Variants in ZBTB20 observed in about 807,000 individuals in gnomAD.
ZBTB20 encodes the protein zinc finger and BTB domain-containing protein 20.
Under a neutral mutation model 56.9 loss-of-function variants are expected in ZBTB20, and 9 were observed. The ratio of observed to expected loss-of-function variants is 0.16; its 90% CI spans 0.10 to 0.28. The LOEUF (loss-of-function observed/expected upper bound fraction) is 0.28, where lower values mean the gene tolerates loss of function less well. Ranked by LOEUF, ZBTB20 falls within the 10% of genes least tolerant of loss-of-function variation. The probability of loss-of-function intolerance (pLI) is 1.00; values close to 1 mark genes in which losing one functional copy is unlikely to be tolerated. For synonymous variants in ZBTB20, 417 were observed against 420.7 expected (o/e 0.99, Z 0.11); for missense variants, 655 against 1,003.0 (o/e 0.65, Z 4.69).
chr3:114,731,793 G>A (rs9879373), intron 5 of ZBTB20, among the ~76,000 whole-genome samples: 2,159 of 111,338 alleles, frequency 0.019, 192 homozygotes, highest in African/African-American at 0.036. Context: ...ATCCGGCTGT[G>A]CCTAGATTAG....
At chr3:114,907,479 G>A (rs779662290) in intron 3 of ZBTB20, among the ~76,000 whole-genome samples, 16 of 151,690 alleles carry the variant, frequency 1.1e-4, no homozygotes, top group Non-Finnish European at 2.1e-4. Flanking sequence ...GAGATGCACC[G>A]CATAACAAAA....
At chr3:114,421,493 T>C (rs897343496) in intron 7 of ZBTB20, among the ~76,000 whole-genome samples, 1 of 152,124 alleles carries the variant, frequency 6.6e-6, no homozygotes, top group African/African-American at 2.4e-5. Context: ...TTTTGTAAAG[T>C]GGAGAGAGAT....
intron 6 of ZBTB20, among the ~76,000 whole-genome samples, chr3:114,575,308 A>T (rs1201430637): frequency 6.6e-6 from 1 of 152,210 alleles, no homozygotes; most frequent in Non-Finnish European, 1.5e-5. Context: ...AATAATATGT[A>T]CTTCTTATAA....
chr3:114,596,626 T>C (rs376395759), intron 6 of ZBTB20, among the ~76,000 whole-genome samples: 15 of 152,168 alleles, frequency 9.9e-5, no homozygotes, highest in African/African-American at 2.9e-4. Flanking sequence ...TAAGAAACTA[T>C]TGATGTACAC....
At chr3:115,025,257 T>C (rs558044582) in intron 2 of ZBTB20, among the ~76,000 whole-genome samples, 2 of 151,478 alleles carry the variant, frequency 1.3e-5, no homozygotes, top group Admixed American at 1.3e-4. Context: ...TATCCATCCA[T>C]GTCCCTGAGA....
chr3:114,573,669 G>A (rs913030261), intron 6 of ZBTB20, among the ~76,000 whole-genome samples: 6 of 151,814 alleles, frequency 4.0e-5, no homozygotes, highest in Admixed American at 3.3e-4. Context: ...AAAGGTACAA[G>A]GATCCAAAAA....
intron 7 of ZBTB20, among the ~76,000 whole-genome samples, chr3:114,467,642 C>T (rs1247584922): frequency 6.6e-6 from 1 of 152,128 alleles, no homozygotes; most frequent in Non-Finnish European, 1.5e-5. Flanking sequence ...TACAATCACA[C>T]ACATAAACAA....
chr3:114,616,366 T>G (rs2057944538), intron 6 of ZBTB20, among the ~76,000 whole-genome samples: 1 of 152,196 alleles, frequency 6.6e-6, no homozygotes, highest in South Asian at 2.1e-4. Context: ...ACGATTTTCC[T>G]AGTTAAGTTT....
rs183930656 is a variant in ZBTB20, at chr3:114,744,958, G to A, written c.-342-51383C>T. On this transcript the variant is annotated intron_variant, in intron 5 of 11. Coordinates refer to ENST00000675478, the MANE Select transcript of ZBTB20 (RefSeq NM_001348800.3). ...AAATAAAAGGAGATAATGAAGAAGA[G>A]ACAATAGTAACACTATTAGAACAGC... Among the ~76,000 whole-genome samples the A allele has an allele frequency of 2.4e-3, 368 of 152,120 alleles. 1 individual carries two copies. Among genetic ancestry groups the A allele is most frequent in the South Asian group, 0.014 (65 of 4,810 alleles).
chr3:114,622,669 T>A (rs2107774373), intron 6 of ZBTB20, among the ~76,000 whole-genome samples: 2 of 152,264 alleles, frequency 1.3e-5, no homozygotes, highest in East Asian at 3.9e-4. Context: ...GCAAACAAAA[T>A]TCCAAAGCTG....
At chr3:114,950,000 T>C (rs1178239962) in intron 3 of ZBTB20, among the ~76,000 whole-genome samples, 2 of 152,142 alleles carry the variant, frequency 1.3e-5, no homozygotes, top group Non-Finnish European at 2.9e-5. Flanking sequence ...GAAAAGACGC[T>C]TAATTTCACT....
At chr3:114,672,490 G>A (rs1014002912) in intron 6 of ZBTB20, among the ~76,000 whole-genome samples, 3 of 152,048 alleles carry the variant, frequency 2.0e-5, no homozygotes, top group African/African-American at 7.2e-5. Context: ...TGAAACCAAG[G>A]AACAAGCTGC....
At chr3:114,472,336 C>T (rs2040223747) in intron 7 of ZBTB20, among the ~76,000 whole-genome samples, 1 of 152,104 alleles carries the variant, frequency 6.6e-6, no homozygotes, top group Admixed American at 6.5e-5. Flanking sequence ...TAGGTTAATC[C>T]AGTCTAACCT....
intron 3 of ZBTB20, among the ~76,000 whole-genome samples, chr3:114,947,534 G>GT: frequency 6.9e-6 from 1 of 145,938 alleles, no homozygotes; most frequent in Non-Finnish European, 1.5e-5. Flanking sequence ...GGCCACTATT[G>GT]TAAGTGAAAT....
intron 5 of ZBTB20, among the ~76,000 whole-genome samples, chr3:114,695,533 C>T (rs1352922139): frequency 6.6e-6 from 1 of 151,862 alleles, no homozygotes; most frequent in Non-Finnish European, 1.5e-5. Context: ...AAAGACTTTT[C>T]CTCTGCTTCT....
intron 7 of ZBTB20, among the ~76,000 whole-genome samples, chr3:114,497,850 C>A (rs940135312): frequency 1.4e-4 from 21 of 152,146 alleles, no homozygotes; most frequent in African/African-American, 4.6e-4. Context: ...TTAATCAAAA[C>A]GAAGCCAAGT....
chr3:114,803,189 C>T (rs951424065), intron 4 of ZBTB20, among the ~76,000 whole-genome samples: 1 of 149,224 alleles, frequency 6.7e-6, no homozygotes, highest in East Asian at 2.0e-4. Context: ...CATCTTGTAT[C>T]CTGTTGAGGG....
At chr3:114,962,479 G>A (rs1195496258) in intron 3 of ZBTB20, among the ~76,000 whole-genome samples, 1 of 152,106 alleles carries the variant, frequency 6.6e-6, no homozygotes, top group Admixed American at 6.5e-5. Flanking sequence ...TCTAAGGCTG[G>A]TAGATAAGTT....
At chr3:114,518,972 T>C (rs573843157) in intron 6 of ZBTB20, 1 of 152,320 alleles carries the variant, frequency 6.6e-6, no homozygotes, top group South Asian at 2.1e-4. Flanking sequence ...GCCAAAGTTA[T>C]GAAACTCTGA....
Sources: allele counts gnomAD v4.1 joint callset (sites outside exome capture counted in the v4.1 genomes callset), GRCh38; gene constraint gnomAD v4.1.1; transcripts MANE v1.5; gene names NCBI Gene and HGNC (gene_info 2026-07-23, HGNC 2026-07-21).